The following GABARAPL2 variants were observed in gnomAD, a reference collection of about 807,000 sequenced individuals.
GABARAPL2 encodes the protein GABA type A receptor associated protein like 2.
Under a neutral mutation model 16.9 loss-of-function variants are expected in GABARAPL2, and 11 were observed. The ratio of observed to expected loss-of-function variants is 0.65; its 90% CI spans 0.41 to 1.08. The LOEUF is 1.08. GABARAPL2 is among the 50% of genes least tolerant of loss of function. The pLI is 0.00. For missense variants in GABARAPL2, 134 were observed against 142.5 expected (o/e 0.94, Z 0.30); for synonymous variants, 57 against 50.7 (o/e 1.12, Z -0.53).
chr16:75,569,379 G>A (rs1423976160), intron 3 of GABARAPL2, among the ~76,000 whole-genome samples: 1 of 152,198 alleles, frequency 6.6e-6, no homozygotes, highest in Non-Finnish European at 1.5e-5. Flanking sequence ...CTGTAGCTCT[G>A]GAAGCTGTGG....
At chr16:75,566,757 T>TG in intron 1 of GABARAPL2, 95 bp from the exon 2 acceptor site, 2 of 1,242,518 alleles carry the variant, frequency 1.6e-6, no homozygotes, top group South Asian at 2.4e-5. Context: ...AACCAGGGCC[T>TG]GGGTTGTACG....
intron 2 of GABARAPL2, 92 bp from the exon 3 acceptor site, chr16:75,567,945 C>A: frequency 1.1e-6 from 1 of 928,400 alleles, no homozygotes; most frequent in Non-Finnish European, 1.7e-6. Context: ...CACCCACCTC[C>A]TTGCCCACAC....
rs11556294 is a variant in GABARAPL2, at chr16:75,566,872, G to C, written c.55G>C (p.Ala19Pro). 6.2e-7 allele frequency: 1 copy of C among 1,613,400 alleles called. No individual in the cohort carries two copies. Among genetic ancestry groups the C allele is most frequent in the Non-Finnish European group, 8.5e-7 (1 of 1,179,872 alleles). ...HSLEHRCVES[A>P]KIRAKYPDRV... ...CACAGAACACAGATGCGTGGAGTCC[G>C]CGAAGATTCGAGCGAAATATCCCGA... is the stretch of plus-strand genomic sequence containing the variant. Residue 19 changes from alanine to proline, a missense_variant, in exon 2 of 4, where the codon GCG (alanine) becomes CCG (proline). Transcript: ENST00000037243.
intron 3 of GABARAPL2, among the ~76,000 whole-genome samples, chr16:75,574,777 A>T (rs1283293411): frequency 2.8e-5 from 1 of 35,618 alleles, no homozygotes; most frequent in African/African-American, 3.7e-4. Context: ...ATTTAAAAAT[A>T]TACTGATGAG....
chr16:75,566,744 C>T, intron 1 of GABARAPL2, 108 bp from the exon 2 acceptor site: 1 of 1,170,712 alleles, frequency 8.5e-7, no homozygotes. Context: ...CCGGGGACGC[C>T]GGAACCAGGG....
At chr16:75,573,449 G>A (rs1373333905) in intron 3 of GABARAPL2, among the ~76,000 whole-genome samples, 4 of 152,190 alleles carry the variant, frequency 2.6e-5, no homozygotes, top group African/African-American at 9.6e-5. Context: ...CAGTTACCAA[G>A]TTCCTTGCCC....
chr16:75,567,436 C>T (rs547076024), intron 2 of GABARAPL2, among the ~76,000 whole-genome samples: 3 of 152,262 alleles, frequency 2.0e-5, no homozygotes, highest in African/African-American at 7.2e-5. Context: ...TATATTTCTT[C>T]CATGGTTGGG....
intron 2 of GABARAPL2, 100 bp from the exon 3 acceptor site, chr16:75,567,937 C>G: frequency 1.2e-6 from 1 of 819,564 alleles, no homozygotes; most frequent in Non-Finnish European, 2.0e-6. Context: ...CAGTTCCCCA[C>G]CCACCTCCTT....
chr16:75,568,810 GC>G (rs1199365354), intron 3 of GABARAPL2, among the ~76,000 whole-genome samples: 4 of 152,192 alleles, frequency 2.6e-5, no homozygotes, highest in Non-Finnish European at 4.4e-5. Context: ...GTAACTTGTG[GC>G]CTGAATGTAG....
At chr16:75,575,887 C>G (rs1014600231) in intron 3 of GABARAPL2, 1 of 152,166 alleles carries the variant, frequency 6.6e-6, no homozygotes, top group Admixed American at 6.5e-5. Flanking sequence ...AACATGTAAT[C>G]AAAATTGAGC....
chr16:75,571,692 C>CG (rs1188196736), intron 3 of GABARAPL2, among the ~76,000 whole-genome samples: 1 of 147,412 alleles, frequency 6.8e-6, no homozygotes, highest in African/African-American at 2.5e-5. Flanking sequence ...TTTTTGGAGA[C>CG]GGAGTTTCAC....
intron 3 of GABARAPL2, among the ~76,000 whole-genome samples, chr16:75,573,171 C>G (rs935382936): frequency 1.3e-5 from 2 of 152,230 alleles, no homozygotes; most frequent in Non-Finnish European, 2.9e-5. Context: ...AACTGACACA[C>G]CAGCCTTCTG....
In GABARAPL2 at chr16:75,566,444, C is replaced by G; in HGVS notation, c.-43C>G. 18 of 1,473,744 alleles carry G rather than the reference C, an allele frequency of 1.2e-5. No individual in the cohort carries two copies. The highest frequency in any genetic ancestry group is 1.7e-5 in the Non-Finnish European group (18 of 1,063,918). The allele number at this position is 1,473,744 out of a possible 1,614,324, so 91.3% of individuals were successfully genotyped here. A position where few individuals can be genotyped will look rare whatever the true frequency, so the allele number is the denominator to read the frequency against. ...GTTGTTGTGCTCGGTGCGCTGAGCT[C>G]CGCGGCTCCGCGAGCCGGTTCCGTC... is the stretch of plus-strand genomic sequence containing the variant. On this transcript the variant is annotated 5_prime_UTR_variant, in exon 1 of 4. Coordinates refer to ENST00000037243, the MANE Select transcript of GABARAPL2 (RefSeq NM_007285.7).
At chr16:75,572,832 G>T (rs1332956578) in intron 3 of GABARAPL2, 2 of 152,264 alleles carry the variant, frequency 1.3e-5, no homozygotes, top group Non-Finnish European at 2.9e-5. Context: ...TCTGTACTCA[G>T]AGCAGCATCT....
chr16:75,571,151 C>T (rs1208134939), intron 3 of GABARAPL2, among the ~76,000 whole-genome samples: 1 of 152,170 alleles, frequency 6.6e-6, no homozygotes, highest in Non-Finnish European at 1.5e-5. Context: ...ACAGTCATAG[C>T]TCACTGCAGC....
At chr16:75,574,841 A>G (rs191554029) in intron 3 of GABARAPL2, among the ~76,000 whole-genome samples, 2 of 31,244 alleles carry the variant, frequency 6.4e-5, no homozygotes, top group African/African-American at 4.9e-4. Flanking sequence ...CCTGGCCAAC[A>G]TGGTGAAATC....
At chr16:75,569,784 C>T (rs1469687714) in intron 3 of GABARAPL2, among the ~76,000 whole-genome samples, 4 of 152,172 alleles carry the variant, frequency 2.6e-5, no homozygotes, top group East Asian at 3.8e-4. Flanking sequence ...TCCCCTCCCC[C>T]GTTATCCCTG....
chr16:75,567,461 AT>A (rs2080891059), intron 2 of GABARAPL2, among the ~76,000 whole-genome samples: 1 of 152,156 alleles, frequency 6.6e-6, no homozygotes, highest in Admixed American at 6.5e-5. Flanking sequence ...TAGTTTTGTA[AT>A]CGTTATTAAT....
chr16:75,573,928 G>C (rs1029317462), intron 3 of GABARAPL2, among the ~76,000 whole-genome samples: 16 of 152,204 alleles, frequency 1.1e-4, no homozygotes, highest in Admixed American at 9.2e-4. Context: ...TGAGGATAAA[G>C]AGTTAATACA....
Sources: gnomAD v4.1 joint callset for allele counts (sites outside exome capture counted in the v4.1 genomes callset) on GRCh38, gnomAD v4.1.1 for gene constraint, MANE v1.5 for transcripts, NCBI Gene and HGNC (gene_info 2026-07-23, HGNC 2026-07-21) for gene names.